Variants in CACNA1C observed in about 807,000 individuals in gnomAD.
The protein encoded by CACNA1C is voltage-dependent L-type calcium channel subunit alpha-1C.
A neutral mutation model predicts 229.0 loss-of-function variants in CACNA1C; 30 were observed. The ratio of observed to expected loss-of-function variants is 0.13; its 90% CI spans 0.10 to 0.18. The LOEUF (loss-of-function observed/expected upper bound fraction) is 0.18, where lower values mean the gene tolerates loss of function less well. Ranked by LOEUF, CACNA1C falls within the 10% of genes least tolerant of loss-of-function variation. The pLI is 1.00. For synonymous variants in CACNA1C, 1,114 were observed against 1,132.5 expected, an observed-to-expected ratio of 0.98 and a Z score of 0.33; for missense variants, 1,658 against 2,845.0, an observed-to-expected ratio of 0.58 and a Z score of 9.49.
intron 9 of CACNA1C, among the ~76,000 whole-genome samples, chr12:2,537,023 C>T (rs997217702): frequency 6.6e-5 from 10 of 152,180 alleles, no homozygotes; most frequent in Non-Finnish European, 8.8e-5. Flanking sequence ...GCCCATGCTC[C>T]TAACCACGCT....
chr12:2,085,350 C>G (rs898958860), intron 1 of CACNA1C, among the ~76,000 whole-genome samples: 2 of 152,202 alleles, frequency 1.3e-5, no homozygotes, highest in East Asian at 1.9e-4. Flanking sequence ...CTTTTCAGCC[C>G]AGATATCTGT....
chr12:2,426,683 G>C (rs948541668), intron 3 of CACNA1C, among the ~76,000 whole-genome samples: 1 of 152,208 alleles, frequency 6.6e-6, no homozygotes, highest in Admixed American at 6.5e-5. Flanking sequence ...AGTTCTTCTG[G>C]ACCTAGCAGG....
chr12:2,119,177 G>A (rs1261407020), intron 2 of CACNA1C, among the ~76,000 whole-genome samples: 13 of 152,256 alleles, frequency 8.5e-5, no homozygotes, highest in Admixed American at 7.2e-4. Flanking sequence ...GGCCTCAGAG[G>A]GTTAGACTAG....
intron 9 of CACNA1C, among the ~76,000 whole-genome samples, chr12:2,527,532 T>C (rs1254441632): frequency 6.6e-6 from 1 of 152,210 alleles, no homozygotes; most frequent in Non-Finnish European, 1.5e-5. Flanking sequence ...CCACTGTCAG[T>C]TATTATGTTA....
chr12:2,447,282 A>G (rs753888850), intron 3 of CACNA1C, among the ~76,000 whole-genome samples: 1 of 152,132 alleles, frequency 6.6e-6, no homozygotes, highest in Non-Finnish European at 1.5e-5. Context: ...TCACAACCCC[A>G]AGGCAGCTGC....
At chr12:2,419,698 G>A (rs2098954962) in intron 3 of CACNA1C, among the ~76,000 whole-genome samples, 1 of 152,178 alleles carries the variant, frequency 6.6e-6, no homozygotes, top group African/African-American at 2.4e-5. Context: ...CTAGACAGGG[G>A]CACAAACCCT....
At chr12:2,189,061 C>A (rs1452449097) in intron 3 of CACNA1C, among the ~76,000 whole-genome samples, 1 of 147,902 alleles carries the variant, frequency 6.8e-6, no homozygotes, top group African/African-American at 2.5e-5. Flanking sequence ...CCACTACACT[C>A]CAGCCTGCGC....
At chr12:2,255,457 G>C (rs2077082413) in intron 3 of CACNA1C, among the ~76,000 whole-genome samples, 1 of 152,154 alleles carries the variant, frequency 6.6e-6, no homozygotes, top group South Asian at 2.1e-4. Flanking sequence ...AGGAAGAGAT[G>C]TCTGAACTGC....
At chr12:2,039,619 C>T (rs372822220) in intron 1 of CACNA1C, among the ~76,000 whole-genome samples, 4 of 152,174 alleles carry the variant, frequency 2.6e-5, no homozygotes, top group Non-Finnish European at 5.9e-5. Context: ...CAAATAACTA[C>T]AGCAATATAA....
At chr12:2,378,799 TTC>T (rs2098146713) in intron 3 of CACNA1C, among the ~76,000 whole-genome samples, 1 of 133,676 alleles carries the variant, frequency 7.5e-6, no homozygotes, top group Non-Finnish European at 1.7e-5. Context: ...CCTTCCTTCC[TTC>T]CTTCCTTCCT....
chr12:2,659,052 C>G (rs1186170852), intron 34 of CACNA1C, among the ~76,000 whole-genome samples: 1 of 151,972 alleles, frequency 6.6e-6, no homozygotes, highest in Non-Finnish European at 1.5e-5. Context: ...AAGAAAAGTA[C>G]TTTTTATAAA....
Position 2,316,102 on chromosome 12 carries a change from C to G in CACNA1C, c.478-132874C>G, listed in dbSNP as rs2238059. Reference sequence around the variant, plus strand: ...GGTGTTTGAGGGTCCCATGCTCCACCCAGGAAGCTGCTGGCTCCACTAAGA... The same window carrying G: ...GGTGTTTGAGGGTCCCATGCTCCACGCAGGAAGCTGCTGGCTCCACTAAGA... On this transcript the variant is annotated intron_variant, in intron 3 of 46. Transcript: ENST00000399655. Among the ~76,000 whole-genome samples, 5 of 152,362 alleles carry G rather than the reference C, an allele frequency of 3.3e-5. No individual in the cohort carries two copies. The East Asian group carries it at 9.6e-4, about 29-fold the overall frequency.
At chr12:2,517,232 A>G (rs1394415710) in intron 9 of CACNA1C, among the ~76,000 whole-genome samples, 1 of 152,218 alleles carries the variant, frequency 6.6e-6, no homozygotes, top group Non-Finnish European at 1.5e-5. Flanking sequence ...CTGCAATGGC[A>G]TGGAGCGTTG....
At chr12:2,061,727 G>A (rs11837432) in intron 1 of CACNA1C, among the ~76,000 whole-genome samples, 7,771 of 152,276 alleles carry the variant, frequency 0.051, 349 homozygotes, top group African/African-American at 0.12. Flanking sequence ...TGAAAATAGG[G>A]CCATTGAGGG....
chr12:2,419,688 C>T (rs1387680237), intron 3 of CACNA1C, among the ~76,000 whole-genome samples: 1 of 152,152 alleles, frequency 6.6e-6, no homozygotes, highest in African/African-American at 2.4e-5. Flanking sequence ...AATAGTCCCT[C>T]TAGACAGGGG....
intron 3 of CACNA1C, among the ~76,000 whole-genome samples, chr12:2,271,100 C>G (rs889321226): frequency 5.3e-5 from 8 of 152,212 alleles, no homozygotes; most frequent in African/African-American, 1.9e-4. Flanking sequence ...CCGATAGGCT[C>G]TGTCACCTCC....
intron 3 of CACNA1C, among the ~76,000 whole-genome samples, chr12:2,186,628 C>T (rs1251675711): frequency 1.3e-5 from 2 of 152,082 alleles, no homozygotes; most frequent in African/African-American, 4.8e-5. Context: ...ATACCATGTG[C>T]CTGGAATTCA....
chr12:2,122,578 T>C (rs75557252), intron 3 of CACNA1C, among the ~76,000 whole-genome samples: 3,162 of 152,288 alleles, frequency 0.021, 52 homozygotes, highest in African/African-American at 0.046. Flanking sequence ...TGCAGCATCT[T>C]TGCAGATGCC....
Position 2,136,043 on chromosome 12 carries a change from A to T in CACNA1C, c.477+15613A>T, listed in dbSNP as rs1207759220. On this transcript the variant is annotated intron_variant, in intron 3 of 46. Coordinates refer to ENST00000399655, the MANE Select transcript of CACNA1C (RefSeq NM_000719.7). The stretch of plus-strand genomic sequence containing the variant: ...TTTTTAAGCCGGTCTGAAAAGCGCA[A>T]TATTCGGGTGGGAGTGACCCAATTT... 4.0e-5 allele frequency among the ~76,000 whole-genome samples: 6 copies of T among 150,520 alleles called. No homozygotes were observed. The East Asian group carries it at 1.2e-3, about 29-fold the overall frequency.
Sources: allele counts gnomAD v4.1 joint callset (sites outside exome capture counted in the v4.1 genomes callset), GRCh38; gene constraint gnomAD v4.1.1; transcripts MANE v1.5; gene names NCBI Gene and HGNC (gene_info 2026-07-23, HGNC 2026-07-21).